Variants in MEIOSIN observed in about 807,000 individuals in gnomAD.
MEIOSIN encodes the protein meiosis initiator protein.
Under a neutral mutation model 23.4 loss-of-function variants are expected in MEIOSIN, and 18 were observed. The observed-to-expected ratio is 0.77, with a 90% CI of 0.53 to 1.14. MEIOSIN has a LOEUF of 1.14. MEIOSIN is among the 50% of genes most tolerant of loss of function. The pLI, the probability that MEIOSIN is intolerant of heterozygous loss-of-function variation, is 0.00. For synonymous variants in MEIOSIN, 187 were observed against 100.6 expected (o/e 1.86, Z -5.14); for missense variants, 428 against 242.9 (o/e 1.76, Z -5.07).
rs750228351 is a variant in MEIOSIN, at chr19:45,749,373, C to CAA, written c.307-1283_307-1282dup. Among the ~76,000 whole-genome samples, 424 of 55,504 alleles carry CAA rather than the reference C, an allele frequency of 7.6e-3. 8 individuals are homozygous for CAA. Among genetic ancestry groups the CAA allele is most frequent in the African/African-American group, 0.021 (275 of 12,810 alleles). 36.4% of individuals were successfully genotyped at this position (55,504 alleles called of 152,430 possible). A position where few individuals can be genotyped will look rare whatever the true frequency, so the allele number is the denominator to read the frequency against. ...GCCAACAGAGCAAGAGACCCTGTCTCAAAAAAAAAAAAAAAAAAAAGGCCG... is the reference window on the plus strand; with the variant it reads ...GCCAACAGAGCAAGAGACCCTGTCTCAAAAAAAAAAAAAAAAAAAAAAGGCCG... On this transcript the variant is annotated intron_variant, in intron 4 of 14. Coordinates refer to ENST00000457052, the MANE Select transcript of MEIOSIN (RefSeq NM_001310124.2).
rs148576739 is a variant in MEIOSIN, at chr19:45,740,618, C to T, written c.176+888C>T. On this transcript the variant is annotated intron_variant, in intron 3 of 14. Transcript: ENST00000457052. The stretch of plus-strand genomic sequence containing the variant: ...ACAAAAAATTAGCCAGGTGTGGTGG[C>T]ACATGCCTGTAATCTCAGCTACTCA... 4.2e-3 allele frequency among the ~76,000 whole-genome samples: 638 copies of T among 151,974 alleles called. 8 individuals are homozygous for T. Among genetic ancestry groups the T allele is most frequent in the African/African-American group, 0.015 (607 of 41,428 alleles).
At chr19:45,750,875 G>A (rs1968690453) in intron 5 of MEIOSIN, 89 bp downstream of exon 5, 2 of 474,116 alleles carry the variant, frequency 4.2e-6, no homozygotes, top group Admixed American at 4.1e-5. Flanking sequence ...CTTCTGTCAA[G>A]GCCTGGTATA....
intron 2 of MEIOSIN, among the ~76,000 whole-genome samples, chr19:45,736,120 C>A (rs1330152474): frequency 6.6e-6 from 1 of 152,094 alleles, no homozygotes; most frequent in Non-Finnish European, 1.5e-5. Context: ...CTCACTATAG[C>A]CTCGGACTCC....
chr19:45,757,607 G>A (rs1053603696), intron 9 of MEIOSIN, among the ~76,000 whole-genome samples: 1 of 151,766 alleles, frequency 6.6e-6, no homozygotes, highest in African/African-American at 2.4e-5. Flanking sequence ...TTCAACCTCT[G>A]TCTGCTGGGT....
chr19:45,762,662 A>G (rs896293171), intron 13 of MEIOSIN, among the ~76,000 whole-genome samples: 16 of 152,256 alleles, frequency 1.1e-4, no homozygotes, highest in South Asian at 1.0e-3. Context: ...GCTGGTCTCG[A>G]ATGCCTCACC....
chr19:45,760,674 C>G (rs1332663627), intron 11 of MEIOSIN, among the ~76,000 whole-genome samples: 3 of 150,540 alleles, frequency 2.0e-5, no homozygotes, highest in African/African-American at 7.3e-5. Context: ...CATGCCTATA[C>G]TTCTAGCACT....
chr19:45,737,895 C>G (rs1411588359), intron 2 of MEIOSIN, among the ~76,000 whole-genome samples: 1 of 150,740 alleles, frequency 6.6e-6, no homozygotes, highest in African/African-American at 2.4e-5. Context: ...GCACTCCAGC[C>G]TGGGCAACGA....
chr19:45,761,421 C>CTT (rs1968938106), intron 11 of MEIOSIN, among the ~76,000 whole-genome samples: 1 of 139,390 alleles, frequency 7.2e-6, no homozygotes, highest in Non-Finnish European at 1.5e-5. Flanking sequence ...TGCGCCTGGC[C>CTT]TATTTTTTTT....
rs537272118 is a variant in MEIOSIN at position 45,733,943 on chromosome 19, C to T, written c.-1+277C>T. Among the ~76,000 whole-genome samples the T allele has an allele frequency of 3.3e-5, 5 of 152,210 alleles. No individual in the cohort carries two copies. The East Asian group carries it at 9.6e-4, about 29-fold the overall frequency. On this transcript the variant is annotated intron_variant, in intron 1 of 14. Transcript: ENST00000457052. This position sits in a 1 kb window ranked among gnomAD's most constrained non-coding sequence, Gnocchi z 5.7. Reference sequence around the variant, plus strand: ...TCTCGGGATTTGTGTCTAGGGGTGACTAGTTCTGGAATCTGAAGAGCTTGA... The same window carrying T: ...TCTCGGGATTTGTGTCTAGGGGTGATTAGTTCTGGAATCTGAAGAGCTTGA...
chr19:45,737,278 C>CA (rs562968326), intron 2 of MEIOSIN, among the ~76,000 whole-genome samples: 4 of 151,660 alleles, frequency 2.6e-5, no homozygotes, highest in Non-Finnish European at 5.9e-5. Context: ...CTTCTGGGCT[C>CA]AAACAATCTT....
chr19:45,763,216 C>T, intron 13 of MEIOSIN, 122 bp from the exon 14 acceptor site: 1 of 396,804 alleles, frequency 2.5e-6, no homozygotes, highest in East Asian at 3.6e-5. Context: ...GCTCCCTCTG[C>T]CTCCTCAGCT....
Position 45,745,175 on chromosome 19 carries a change from C to T in MEIOSIN, c.177-17C>T, listed in dbSNP as rs887324194. On this transcript the variant is annotated splice_polypyrimidine_tract_variant and intron_variant, in intron 3 of 14. Coordinates refer to ENST00000457052, the MANE Select transcript of MEIOSIN (RefSeq NM_001310124.2). ...TTTTGGATGTCCTAACCAAAACCAG[C>T]TCCTGTCCCCAAACAGGAATCAGAG... is the stretch of plus-strand genomic sequence containing the variant. 1 of 702,320 alleles carries T rather than the reference C, an allele frequency of 1.4e-6. No individual in the cohort carries two copies. Among genetic ancestry groups the T allele is most frequent in the East Asian group, 2.7e-5 (1 of 37,272 alleles). 43.5% of individuals were successfully genotyped at this position (702,320 alleles called of 1,614,324 possible).
intron 4 of MEIOSIN, among the ~76,000 whole-genome samples, chr19:45,748,212 G>A (rs1968630176): frequency 6.6e-6 from 1 of 152,100 alleles, no homozygotes. Flanking sequence ...TGAGTGGCTG[G>A]GACTACAGGT....
At chr19:45,737,634 T>TA (rs909862371) in intron 2 of MEIOSIN, among the ~76,000 whole-genome samples, 4,800 of 137,458 alleles carry the variant, frequency 0.035, 233 homozygotes, top group African/African-American at 0.11. Context: ...CCCAACTAAT[T>TA]AAAAAAAAAA....
chr19:45,750,354 CT>C (rs1365827441), intron 4 of MEIOSIN, among the ~76,000 whole-genome samples: 4 of 94,590 alleles, frequency 4.2e-5, no homozygotes, highest in African/African-American at 8.8e-5. Flanking sequence ...CTTTCTTTTT[CT>C]TTTTCTTTTT....
chr19:45,753,070 C>T (rs1340933659), intron 5 of MEIOSIN, among the ~76,000 whole-genome samples: 7 of 151,974 alleles, frequency 4.6e-5, no homozygotes, highest in Non-Finnish European at 1.0e-4. Context: ...ATTACAGGCA[C>T]CCGCCACCAC....
At chr19:45,762,375 C>T (rs1968964014) in intron 13 of MEIOSIN, among the ~76,000 whole-genome samples, 192 bp downstream of exon 13, 1 of 152,066 alleles carries the variant, frequency 6.6e-6, no homozygotes, top group African/African-American at 2.4e-5. Flanking sequence ...CATCCATTGT[C>T]AGCGCTGAAA....
chr19:45,741,976 A>G (rs532374131), intron 3 of MEIOSIN, among the ~76,000 whole-genome samples: 5 of 151,132 alleles, frequency 3.3e-5, no homozygotes, highest in Non-Finnish European at 7.4e-5. Context: ...CCTGGGTTCA[A>G]GTGATTCTCC....
intron 14 of MEIOSIN, 79 bp downstream of exon 14, chr19:45,763,506 C>T (rs1183037207): frequency 5.0e-6 from 2 of 398,152 alleles, no homozygotes; most frequent in Admixed American, 8.8e-5. Flanking sequence ...GTCTCTGGAG[C>T]CTTGGGTGTC....
Sources: allele counts gnomAD v4.1 joint callset (sites outside exome capture counted in the v4.1 genomes callset), GRCh38; gene constraint gnomAD v4.1.1; non-coding constraint Gnocchi (gnomAD v3.1); transcripts MANE v1.5; gene names NCBI Gene and HGNC (gene_info 2026-07-23, HGNC 2026-07-21).